The following LPP variants were observed in gnomAD, a reference collection of about 807,000 sequenced individuals.
LPP encodes lipoma-preferred partner.
A neutral mutation model predicts 60.4 loss-of-function variants in LPP; 38 were observed. That is an observed-to-expected ratio of 0.63 (90% confidence interval 0.49 to 0.83). The LOEUF (loss-of-function observed/expected upper bound fraction) is 0.83. Among genes scored for constraint, LPP ranks in the 40% least tolerant of loss-of-function variants. LPP has a pLI of 0.00. For missense variants in LPP, 902 were observed against 783.6 expected (o/e 1.15, Z -1.80); for synonymous variants, 328 against 290.8 (o/e 1.13, Z -1.30).
chr3:188,406,904 A>G (rs1252222022), intron 4 of LPP, among the ~76,000 whole-genome samples: 2 of 152,164 alleles, frequency 1.3e-5, no homozygotes, highest in Non-Finnish European at 2.9e-5. Flanking sequence ...TTCAGTTTAC[A>G]TCAAGTAGAG....
At chr3:188,437,268 C>T (rs1287431420) in intron 4 of LPP, among the ~76,000 whole-genome samples, 1 of 152,110 alleles carries the variant, frequency 6.6e-6, no homozygotes, top group Non-Finnish European at 1.5e-5. Flanking sequence ...GCTTCCGTTC[C>T]AAAGTACGTG....
chr3:188,436,770 C>T lies in LPP; in HGVS notation c.193+30457C>T, dbSNP rs1189635297. On this transcript the variant is annotated intron_variant, in intron 4 of 11. Coordinates refer to ENST00000617246, the MANE Select transcript of LPP (RefSeq NM_001375462.1). Reference sequence around the variant, plus strand: ...TTGAAAAAGAATATATATTTTAAGGCCTACAAGGGCAAAAGTAGATGGGCT... The same window carrying T: ...TTGAAAAAGAATATATATTTTAAGGTCTACAAGGGCAAAAGTAGATGGGCT... Among the ~76,000 whole-genome samples, 5 of 152,018 alleles carry T rather than the reference C, an allele frequency of 3.3e-5. No individual in the cohort carries two copies. In the East Asian group the frequency reaches 9.6e-4, roughly 29 times the overall value.
intron 2 of LPP, among the ~76,000 whole-genome samples, chr3:188,281,616 A>G (rs866906355): frequency 2.0e-5 from 3 of 150,604 alleles, no homozygotes. Context: ...AAAAAAAAAA[A>G]AAAAAAGCTC....
intron 1 of LPP, among the ~76,000 whole-genome samples, chr3:188,162,388 A>C (rs902295627): frequency 6.6e-6 from 1 of 152,200 alleles, no homozygotes; most frequent in Non-Finnish European, 1.5e-5. Flanking sequence ...AAATGAGCAT[A>C]GTTGATGTGA....
intron 7 of LPP, among the ~76,000 whole-genome samples, chr3:188,678,306 A>G (rs1478893342): frequency 6.6e-6 from 1 of 152,220 alleles, no homozygotes; most frequent in Admixed American, 6.5e-5. Flanking sequence ...GGGACATTAC[A>G]TTTAATGTAG....
chr3:188,732,969 A>G (rs17615154), intron 8 of LPP, among the ~76,000 whole-genome samples: 34,220 of 151,572 alleles, frequency 0.23, 4,332 homozygotes, highest in Middle Eastern at 0.42. Flanking sequence ...TGCTTGGACA[A>G]TAGAGCAAAG....
chr3:188,660,239 C>T (rs1172118884), intron 7 of LPP, among the ~76,000 whole-genome samples: 3 of 152,294 alleles, frequency 2.0e-5, no homozygotes, highest in East Asian at 3.9e-4. Context: ...CCTTCCCCAA[C>T]TTTGTTTACC....
rs368905882 is a variant in LPP at position 188,167,621 on chromosome 3, C to A, written c.-190+13369C>A. On this transcript the variant is annotated intron_variant, in intron 1 of 11. Coordinates refer to ENST00000617246, the MANE Select transcript of LPP (RefSeq NM_001375462.1). ...TTTTTTTTTTAGGATTCTCTGTCAA[C>A]CCATTAGCTAATAATGCACTCACTG... is the stretch of plus-strand genomic sequence containing the variant. Among the ~76,000 whole-genome samples, 30 of 147,624 alleles carry A rather than the reference C, an allele frequency of 2.0e-4. No homozygotes were observed. The East Asian group carries it at 5.5e-3, about 27-fold the overall frequency.
intron 5 of LPP, among the ~76,000 whole-genome samples, chr3:188,521,132 A>C (rs1818743831): frequency 6.6e-6 from 1 of 152,282 alleles, no homozygotes; most frequent in East Asian, 1.9e-4. Context: ...TTCATAATGG[A>C]ATTGAAATGT....
At chr3:188,491,173 T>G (rs985781024) in intron 5 of LPP, among the ~76,000 whole-genome samples, 1 of 152,182 alleles carries the variant, frequency 6.6e-6, no homozygotes, top group African/African-American at 2.4e-5. Context: ...ATGGCCACAT[T>G]CATTCATGAA....
intron 1 of LPP, chr3:188,213,114 T>C (rs1483750832): frequency 6.6e-6 from 1 of 152,216 alleles, no homozygotes; most frequent in Non-Finnish European, 1.5e-5. Flanking sequence ...AGTGCTGTTG[T>C]CTGATGATTA....
intron 1 of LPP, among the ~76,000 whole-genome samples, chr3:188,211,808 A>C (rs1421322007): frequency 5.3e-5 from 8 of 150,658 alleles, no homozygotes; most frequent in Non-Finnish European, 1.0e-4. Context: ...CTTGGGCGTG[A>C]GAGACTTGGG....
intron 2 of LPP, among the ~76,000 whole-genome samples, chr3:188,240,419 A>C (rs2149448644): frequency 6.6e-6 from 1 of 151,246 alleles, no homozygotes; most frequent in Admixed American, 6.6e-5. Flanking sequence ...GGAACAAATG[A>C]AGAGGGAGAG....
At chr3:188,255,695 C>G (rs75772170) in intron 2 of LPP, among the ~76,000 whole-genome samples, 2,583 of 152,262 alleles carry the variant, frequency 0.017, 35 homozygotes, top group South Asian at 0.03. Flanking sequence ...TACTGTGTTT[C>G]CATGCTGACA....
In LPP at chr3:188,877,064, G is replaced by GT. The variant is rs11459981; in HGVS notation, c.*2595dup. 0.53 allele frequency: 88,021 copies of GT among 166,866 alleles called. 22,936 individuals are homozygous for GT. The highest frequency in any genetic ancestry group is 0.59 in the Non-Finnish European group (45,797 of 77,052). 10.3% of individuals were successfully genotyped at this position (166,866 alleles called of 1,614,324 possible). ...ATATGTAGAAACATTTAGATTTAGA[G>GT]TTTTTTTTTTCTTTCACAAGGTATA... is the stretch of plus-strand genomic sequence containing the variant. On this transcript the variant is annotated 3_prime_UTR_variant, in exon 12 of 12. Coordinates refer to ENST00000617246, the MANE Select transcript of LPP (RefSeq NM_001375462.1).
chr3:188,338,520 G>T (rs554777969), intron 2 of LPP, among the ~76,000 whole-genome samples: 1 of 152,164 alleles, frequency 6.6e-6, no homozygotes, highest in Non-Finnish European at 1.5e-5. Context: ...GTGGTTTTGG[G>T]ATAACTGTGA....
intron 5 of LPP, among the ~76,000 whole-genome samples, chr3:188,496,207 A>G (rs1458944816): frequency 6.7e-6 from 1 of 149,426 alleles, no homozygotes; most frequent in East Asian, 2.0e-4. Flanking sequence ...CTCACTGCAG[A>G]CTCCACCTCC....
intron 2 of LPP, among the ~76,000 whole-genome samples, chr3:188,241,337 C>T (rs534781182): frequency 1.3e-5 from 2 of 152,316 alleles, no homozygotes; most frequent in South Asian, 2.1e-4. Flanking sequence ...TGCTGGACAG[C>T]CCCAGACACC....
At chr3:188,357,091 C>G (rs972103415) in intron 3 of LPP, among the ~76,000 whole-genome samples, 1 of 152,108 alleles carries the variant, frequency 6.6e-6, no homozygotes, top group Non-Finnish European at 1.5e-5. Context: ...TGTCCCCAGA[C>G]ATGGTGGAGC....
Sources: allele counts gnomAD v4.1 joint callset (sites outside exome capture counted in the v4.1 genomes callset), GRCh38; gene constraint gnomAD v4.1.1; transcripts MANE v1.5; gene names NCBI Gene and HGNC (gene_info 2026-07-23, HGNC 2026-07-21).